LRRC37A2: variants seen among roughly 807,000 people sequenced by gnomAD.
LRRC37A2 encodes the protein leucine-rich repeat-containing protein 37A2.
Under a neutral mutation model 68.8 loss-of-function variants are expected in LRRC37A2, and 9 were observed. The ratio of observed to expected loss-of-function variants is 0.13; its 90% CI spans 0.08 to 0.23. The LOEUF is 0.23. LRRC37A2 is among the 10% of genes least tolerant of loss of function. The probability of loss-of-function intolerance (pLI) is 1.00; values close to 1 mark genes in which losing one functional copy is unlikely to be tolerated. For synonymous variants in LRRC37A2, 63 were observed against 367.6 expected (o/e 0.17, Z 9.48); for missense variants, 168 against 950.4 (o/e 0.18, Z 10.82).
At chr17:46,894,554 C>A in the LRRC37A2 span, among the ~76,000 whole-genome samples, 1 of 152,242 alleles carries the variant, frequency 6.6e-6, no homozygotes, top group African/African-American at 2.4e-5. Flanking sequence ...CTGCCCTCCC[C>A]ATGGGGCGGA....
chr17:46,988,174 A>C, the LRRC37A2 span, among the ~76,000 whole-genome samples: 1 of 152,104 alleles, frequency 6.6e-6, no homozygotes, highest in Non-Finnish European at 1.5e-5. Context: ...CTGTCTCAAA[A>C]AACAAACAAA....
chr17:46,932,758 A>G, the LRRC37A2 span: 1 of 183,342 alleles, frequency 5.5e-6, no homozygotes, highest in African/African-American at 2.4e-5. Flanking sequence ...TTCAGAACCC[A>G]TTGTCCCTGC....
the LRRC37A2 span, among the ~76,000 whole-genome samples, chr17:46,790,829 C>T: frequency 3.9e-5 from 6 of 152,334 alleles, no homozygotes; most frequent in Non-Finnish European, 5.9e-5. Context: ...CCGGCTACTG[C>T]GCTCGCGTTT....
the LRRC37A2 span, among the ~76,000 whole-genome samples, chr17:46,739,026 A>G: frequency 3.3e-5 from 5 of 151,832 alleles, no homozygotes; most frequent in African/African-American, 1.2e-4. Flanking sequence ...GCTTGAGTCC[A>G]GGACTTCTAG....
the LRRC37A2 span, among the ~76,000 whole-genome samples, chr17:46,494,726 G>T: frequency 6.6e-6 from 1 of 151,134 alleles, no homozygotes; most frequent in African/African-American, 2.5e-5. Flanking sequence ...TATTTATAAG[G>T]GTACATGTAA....
chr17:46,908,150 C>T, the LRRC37A2 span, among the ~76,000 whole-genome samples: 3 of 151,916 alleles, frequency 2.0e-5, no homozygotes, highest in East Asian at 1.9e-4. Flanking sequence ...GATAGATGAG[C>T]CCCCAGTCCT....
At chr17:46,711,985 A>G in the LRRC37A2 span, among the ~76,000 whole-genome samples, 1 of 152,196 alleles carries the variant, frequency 6.6e-6, no homozygotes, top group Non-Finnish European at 1.5e-5. Flanking sequence ...GCCATATTAA[A>G]GATTTAAACT....
At chr17:46,392,509 TTCTCTCTCTCTC>T in the LRRC37A2 span, among the ~76,000 whole-genome samples, 13,323 of 41,578 alleles carry the variant, frequency 0.32, 198 homozygotes, top group Non-Finnish European at 0.47. Context: ...TTTTCTCTCT[TTCTCTCTCTCTC>T]TCTCTCTCTC....
the LRRC37A2 span, among the ~76,000 whole-genome samples, chr17:46,787,905 G>A: frequency 1.1e-4 from 16 of 151,044 alleles, no homozygotes; most frequent in African/African-American, 3.9e-4. Context: ...TCAGTGAGCC[G>A]AGATTGTGCC....
the LRRC37A2 span, chr17:46,923,913 G>C: frequency 2.5e-6 from 1 of 396,012 alleles, no homozygotes; most frequent in Non-Finnish European, 4.4e-6. Flanking sequence ...GGGGCGGGGG[G>C]CAGAATTATG....
chr17:46,812,468 C>A, the LRRC37A2 span, among the ~76,000 whole-genome samples: 2 of 152,202 alleles, frequency 1.3e-5, no homozygotes, highest in African/African-American at 4.8e-5. Flanking sequence ...CTGCTCTGGG[C>A]GGCCCTGGTG....
the LRRC37A2 span, among the ~76,000 whole-genome samples, chr17:46,789,116 C>T: frequency 2.6e-5 from 4 of 152,298 alleles, no homozygotes; most frequent in Admixed American, 6.5e-5. Flanking sequence ...GAGCACAGTG[C>T]GTGGGGCACT....
At chr17:46,923,722 T>G in the LRRC37A2 span, 19 of 472,662 alleles carry the variant, frequency 4.0e-5, no homozygotes, top group Non-Finnish European at 5.1e-5. Context: ...CACGTAGCAT[T>G]CACTATTATT....
chr17:46,871,640 ACT>A, the LRRC37A2 span, among the ~76,000 whole-genome samples: 1 of 152,056 alleles, frequency 6.6e-6, no homozygotes, highest in African/African-American at 2.4e-5. Flanking sequence ...AGAGAAGATC[ACT>A]CTGCCCAGTT....
chr17:46,502,197 C>T, the LRRC37A2 span, among the ~76,000 whole-genome samples: 16 of 151,240 alleles, frequency 1.1e-4, no homozygotes, highest in Non-Finnish European at 1.3e-4. Context: ...AAATGTTCTA[C>T]AAGTTAATAG....
At chr17:46,804,013 A>G in the LRRC37A2 span, among the ~76,000 whole-genome samples, 1 of 152,070 alleles carries the variant, frequency 6.6e-6, no homozygotes, top group Non-Finnish European at 1.5e-5. Context: ...GGCAAGCTCC[A>G]TCCTTGCACC....
At chr17:46,775,881 G>A in the LRRC37A2 span, among the ~76,000 whole-genome samples, 6 of 152,198 alleles carry the variant, frequency 3.9e-5, no homozygotes, top group Admixed American at 2.6e-4. Flanking sequence ...CCAAAGTGCT[G>A]GGATTACAGG....
chr17:46,875,391 A>T, the LRRC37A2 span: 1 of 1,566,832 alleles, frequency 6.4e-7, no homozygotes, highest in Non-Finnish European at 8.7e-7. Context: ...GGCTGCCCGC[A>T]GTGCCTTCCC....
the LRRC37A2 span, chr17:46,818,816 A>C: frequency 3.9e-5 from 24 of 613,160 alleles, no homozygotes; most frequent in Non-Finnish European, 3.8e-5. Flanking sequence ...CTAAGGTAAG[A>C]GATGAGTCTG....
Sources: allele counts gnomAD v4.1 joint callset (sites outside exome capture counted in the v4.1 genomes callset), GRCh38; gene constraint gnomAD v4.1.1; transcripts MANE v1.5; gene names NCBI Gene and HGNC (gene_info 2026-07-23, HGNC 2026-07-21).